DNM1: variants seen among roughly 807,000 people sequenced by gnomAD.
The protein encoded by DNM1 is dynamin 1.
DNM1 carries 29 observed loss-of-function variants against 104.6 expected under a neutral mutation model. That is an observed-to-expected ratio of 0.28 (90% CI 0.21 to 0.38). The LOEUF is 0.38. Ranked by LOEUF, DNM1 falls within the 10% of genes least tolerant of loss-of-function variation. The pLI, the probability that DNM1 is intolerant of heterozygous loss-of-function variation, is 1.00. For missense variants in DNM1, 640 were observed against 1,189.4 expected, an observed-to-expected ratio of 0.54 and a Z score of 6.79; for synonymous variants, 445 against 475.8, an observed-to-expected ratio of 0.94 and a Z score of 0.84.
chr9:128,233,813 A>G lies in DNM1; in HGVS notation c.1336-208A>G, dbSNP rs558659070. ...CCGGAACCAGGAAGACCCTTGAATC[A>G]CCATTTGGAACCCACACTTGGGGGA... On this transcript the variant is annotated intron_variant, in intron 10 of 21. Transcript: ENST00000372923. The G allele has an allele frequency of 1.5e-5, 9 of 584,330 alleles. No individual in the cohort carries two copies. In the East Asian group the frequency reaches 2.4e-4, roughly 16 times the overall value. The allele number at this position is 584,330 out of a possible 1,614,324, so 36.2% of individuals were successfully genotyped here.
At position 128,248,459 on chromosome 9, in the gene DNM1, A is replaced by G. The variant is rs1056590097; in HGVS notation, c.1906-124A>G. ...GGGATGCGGAGCCAGGTATGTATTC[A>G]GGCCAGTCGCTTCTCTCTGTGCCTC... On this transcript the variant is annotated intron_variant, in intron 18 of 21. Transcript: ENST00000372923. The surrounding 1 kb of genome is among the most constrained non-coding windows in gnomAD (Gnocchi z 5.6). 14 of 1,117,644 alleles carry G rather than the reference A, an allele frequency of 1.3e-5. No individual in the cohort carries two copies. Among genetic ancestry groups the G allele is most frequent in the Non-Finnish European group, 1.8e-5 (14 of 789,298 alleles). 69.2% of individuals were successfully genotyped at this position (1,117,644 alleles called of 1,614,324 possible).
Position 128,218,159 on chromosome 9 carries a change from C to G in DNM1, c.162-72C>G, listed in dbSNP as rs1021582349. 6.8e-7 allele frequency: 1 copy of G among 1,460,136 alleles called. No individual in the cohort carries two copies. The highest frequency in any genetic ancestry group is 9.6e-7 in the Non-Finnish European group (1 of 1,039,988). 90.4% of individuals were successfully genotyped at this position (1,460,136 alleles called of 1,614,324 possible). ...AAGGAGCTTTGGCTTTCCCAGGGGC[C>G]GGACAGGTACCCCTGGGACAGAGGG... On this transcript the variant is annotated intron_variant, in intron 1 of 21. Transcript: ENST00000372923. The surrounding 1 kb of genome is among the most constrained non-coding windows in gnomAD (Gnocchi z 4.8).
At chr9:128,233,859 T>G (rs1389886258) in intron 10 of DNM1, 162 bp from the exon 11 acceptor site, 4 of 634,826 alleles carry the variant, frequency 6.3e-6, no homozygotes, top group Non-Finnish European at 1.1e-5. Flanking sequence ...CGTGGCTTGG[T>G]GCCATCAGCG....
chr9:128,254,362 G>A lies in DNM1; in HGVS notation c.2535-292G>A, dbSNP rs866620865. 2.9e-5 allele frequency: 41 copies of A among 1,406,476 alleles called. No individual in the cohort carries two copies. In the South Asian group the frequency reaches 3.4e-4, roughly 12 times the overall value. The allele number at this position is 1,406,476 out of a possible 1,614,324, so 87.1% of individuals were successfully genotyped here. On this transcript the variant is annotated intron_variant, in intron 21 of 21. Coordinates refer to ENST00000372923, the MANE Select transcript of DNM1 (RefSeq NM_004408.4). The surrounding 1 kb of genome is among the most constrained non-coding windows in gnomAD (Gnocchi z 6.1). ...GGGGCCGAGCATCAGCCTGAATTGC[G>A]GGTGCCCTGCCTGGGTGCCGTGTGA... is the stretch of plus-strand genomic sequence containing the variant.
chr9:128,254,364 G>T lies in DNM1; in HGVS notation c.2535-290G>T. ...GGCCGAGCATCAGCCTGAATTGCGG[G>T]TGCCCTGCCTGGGTGCCGTGTGAGA... On this transcript the variant is annotated intron_variant, in intron 21 of 21. Coordinates refer to ENST00000372923, the MANE Select transcript of DNM1 (RefSeq NM_004408.4). This position sits in a 1 kb window ranked among gnomAD's most constrained non-coding sequence, Gnocchi z 6.1. 1.4e-6 allele frequency: 2 copies of T among 1,408,086 alleles called. No homozygotes were observed. The highest frequency in any genetic ancestry group is 1.8e-6 in the Non-Finnish European group (2 of 1,089,744). The allele number at this position is 1,408,086 out of a possible 1,614,324, so 87.2% of individuals were successfully genotyped here.
chr9:128,220,292 A>C lies in DNM1; in HGVS notation c.800A>C (p.His267Pro). ...TTCCTCTCCCATCCATCTTATCGCC[A>C]CTTGGCTGACCGTATGGGCACGCCC... ...KFFLSHPSYRHLADRMGTPYL... is the reference protein window; with the variant it reads ...KFFLSHPSYRPLADRMGTPYL... The change falls in exon 6 of 22, where the codon CAC becomes CCC. Residue 267 changes from histidine (H) to proline (P), a missense_variant. Transcript: ENST00000372923. This position sits in a 1 kb window ranked among gnomAD's most constrained non-coding sequence, Gnocchi z 5.2. 1 of 1,614,198 alleles carries C rather than the reference A, an allele frequency of 6.2e-7. No homozygotes were observed. Among genetic ancestry groups the C allele is most frequent in the Non-Finnish European group, 8.5e-7 (1 of 1,180,038 alleles).
In DNM1 at chr9:128,220,302, C is replaced by T. The variant is rs776559180; in HGVS notation, c.810C>T (p.Asp270=). 1.2e-6 allele frequency: 2 copies of T among 1,614,202 alleles called. No homozygotes were observed. The highest frequency in any genetic ancestry group is 1.3e-5 in the African/African-American group (1 of 75,064). ...ATCCATCTTATCGCCACTTGGCTGA[C>T]CGTATGGGCACGCCCTACCTGCAGA... The part of the protein sequence containing the change: ...LSHPSYRHLA[D]RMGTPYLQKV... Residue 270 remains aspartate, a synonymous_variant, in exon 6 of 22, where the codon GAC becomes GAT. Coordinates refer to ENST00000372923, the MANE Select transcript of DNM1 (RefSeq NM_004408.4). This position sits in a 1 kb window ranked among gnomAD's most constrained non-coding sequence, Gnocchi z 5.2.
chr9:128,217,393 C>G (rs1256624052), intron 1 of DNM1, among the ~76,000 whole-genome samples: 1 of 152,146 alleles, frequency 6.6e-6, no homozygotes, highest in Non-Finnish European at 1.5e-5. Flanking sequence ...GCAGTAGGCA[C>G]TAAGAAGCAT....
chr9:128,254,066 C>G lies in DNM1; in HGVS notation c.2535-588C>G. 1 of 1,245,550 alleles carries G rather than the reference C, an allele frequency of 8.0e-7. No homozygotes were observed. The highest frequency in any genetic ancestry group is 3.1e-5 in the East Asian group (1 of 31,774). The allele number at this position is 1,245,550 out of a possible 1,614,324, so 77.2% of individuals were successfully genotyped here. A position where few individuals can be genotyped will look rare whatever the true frequency, so the allele number is the denominator to read the frequency against. ...CCCCCCGACCAGCTGAGGCTCCCCT[C>G]TTAGACTTATAAGTCTATGGCCACT... On this transcript the variant is annotated intron_variant, in intron 21 of 21. Coordinates refer to ENST00000372923, the MANE Select transcript of DNM1 (RefSeq NM_004408.4). The surrounding 1 kb of genome is among the most constrained non-coding windows in gnomAD (Gnocchi z 6.1).
chr9:128,220,199 A>G lies in DNM1; in HGVS notation c.707A>G (p.Asn236Ser). 1 of 1,614,092 alleles carries G rather than the reference A, an allele frequency of 6.2e-7. No homozygotes were observed. The highest frequency in any genetic ancestry group is 8.5e-7 in the Non-Finnish European group (1 of 1,180,004). ...TTCACAGGCTACATTGGAGTGGTGA[A>G]CCGGAGCCAGAAGGACATTGATGGC... The part of the protein sequence containing the change: ...PLRRGYIGVV[N>S]RSQKDIDGKK... Residue 236 changes from asparagine to serine, a missense_variant, in exon 6 of 22, where the codon AAC (asparagine) becomes AGC (serine). Coordinates refer to ENST00000372923, the MANE Select transcript of DNM1 (RefSeq NM_004408.4). The surrounding 1 kb of genome is among the most constrained non-coding windows in gnomAD (Gnocchi z 5.2).
At position 128,224,316 on chromosome 9, in the gene DNM1, G is replaced by A. The variant is rs769689269; in HGVS notation, c.1262G>A (p.Arg421Gln). 6.2e-6 allele frequency: 10 copies of A among 1,613,984 alleles called. No individual in the cohort carries two copies. The highest frequency in any genetic ancestry group is 4.0e-5 in the African/African-American group (3 of 74,920). The change falls in exon 10 of 22, where the codon CGA (arginine) becomes CAA (glutamine). Residue 421 changes from arginine (R) to glutamine (Q), a missense_variant. Transcript: ENST00000372923. This position sits in a 1 kb window ranked among gnomAD's most constrained non-coding sequence, Gnocchi z 4.3. ...TIVKKQVKKI[R>Q]EPCLKCVDMV... Reference sequence around the variant, plus strand: ...GTGAAAAAGCAGGTGAAGAAGATCCGAGAACCGTGTCTCAAGTGTGTGGAC... The same window carrying A: ...GTGAAAAAGCAGGTGAAGAAGATCCAAGAACCGTGTCTCAAGTGTGTGGAC...
rs922902011 is a variant in DNM1 at position 128,245,146 on chromosome 9, A to T, written c.1672-1248A>T. 1 of 188,484 alleles carries T rather than the reference A, an allele frequency of 5.3e-6. No homozygotes were observed. The allele number at this position is 188,484 out of a possible 1,614,324, so 11.7% of individuals were successfully genotyped here. On this transcript the variant is annotated intron_variant, in intron 15 of 21. Transcript: ENST00000372923. The surrounding 1 kb of genome is among the most constrained non-coding windows in gnomAD (Gnocchi z 5.2). ...GGCGGGGCCTCTCTCGAACGGTTCC[A>T]GATGTTCCCTGGCCGTGTGTGCAAC...
intron 1 of DNM1, among the ~76,000 whole-genome samples, chr9:128,208,041 T>C (rs1035805971): frequency 2.8e-5 from 4 of 140,774 alleles, no homozygotes; most frequent in Non-Finnish European, 3.1e-5. Flanking sequence ...TGTCCCTTCC[T>C]CCCCATTCTT....
In DNM1 at chr9:128,254,278, G is replaced by T. The variant is rs944718153; in HGVS notation, c.2535-376G>T. 2.2e-5 allele frequency: 30 copies of T among 1,386,338 alleles called. No homozygotes were observed. Among genetic ancestry groups the T allele is most frequent in the Non-Finnish European group, 2.7e-5 (29 of 1,080,216 alleles). 85.9% of individuals were successfully genotyped at this position (1,386,338 alleles called of 1,614,324 possible). A position where few individuals can be genotyped will look rare whatever the true frequency, so the allele number is the denominator to read the frequency against. On this transcript the variant is annotated intron_variant, in intron 21 of 21. Transcript: ENST00000372923. This position sits in a 1 kb window ranked among gnomAD's most constrained non-coding sequence, Gnocchi z 6.1. Reference sequence around the variant, plus strand: ...GTTGCATGGGGCTCCCCAAGGCAAGGGGTGGCCCCAGGCCAGTGGGTTGGA... The same window carrying T: ...GTTGCATGGGGCTCCCCAAGGCAAGTGGTGGCCCCAGGCCAGTGGGTTGGA...
chr9:128,248,665 G>A lies in DNM1; in HGVS notation c.1988G>A (p.Arg663Gln). ...CTGGAACGGCAAGTGGAGACCATCCGGAATCTTGTGGACTCATACATGGCC... is the reference window on the plus strand; with the variant it reads ...CTGGAACGGCAAGTGGAGACCATCCAGAATCTTGTGGACTCATACATGGCC... Reference protein sequence around the residue: ...PQLERQVETIRNLVDSYMAIV... With the variant: ...PQLERQVETIQNLVDSYMAIV... Residue 663 changes from arginine to glutamine, a missense_variant, in exon 19 of 22, where the codon CGG becomes CAG. Arg to Gln is a conservative substitution (Grantham distance 43). This residue lies in a region of DNM1 where 91 missense variants were observed against 256.3 expected (regional missense o/e 0.36). Coordinates refer to ENST00000372923, the MANE Select transcript of DNM1 (RefSeq NM_004408.4). This position sits in a 1 kb window ranked among gnomAD's most constrained non-coding sequence, Gnocchi z 5.6. 5 of 1,613,992 alleles carry A rather than the reference G, an allele frequency of 3.1e-6. No individual in the cohort carries two copies. Among genetic ancestry groups the A allele is most frequent in the South Asian group, 1.1e-5 (1 of 91,078 alleles).
intron 10 of DNM1, among the ~76,000 whole-genome samples, chr9:128,229,819 A>G (rs1835565528): frequency 6.6e-6 from 1 of 152,006 alleles, no homozygotes; most frequent in Non-Finnish European, 1.5e-5. Context: ...AGGCTGAGGC[A>G]GGAGAATCAC....
intron 10 of DNM1, among the ~76,000 whole-genome samples, chr9:128,227,009 C>CTTTTTTTTTTTTTT: frequency 9.8e-6 from 1 of 101,770 alleles, no homozygotes; most frequent in Non-Finnish European, 1.9e-5. Flanking sequence ...ATCTCCATTC[C>CTTTTTTTTTTTTTT]TTTTTTTTTT....
In DNM1 at chr9:128,223,913, G is replaced by A. The variant is rs1356370521; in HGVS notation, c.1197-338G>A. The A allele has an allele frequency of 1.7e-5, 3 of 171,478 alleles. No homozygotes were observed. In the Admixed American group the frequency reaches 1.9e-4, roughly 11 times the overall value. 10.6% of individuals were successfully genotyped at this position (171,478 alleles called of 1,614,324 possible). On this transcript the variant is annotated intron_variant, in intron 9 of 21. Coordinates refer to ENST00000372923, the MANE Select transcript of DNM1 (RefSeq NM_004408.4). ...AATACGAAAAAATTAGCCGGGCGTG[G>A]TGGCAGGCGCCTGTAGTCCCAGCTA...
In DNM1 at chr9:128,253,164, C is replaced by A; in HGVS notation, c.2535-1490C>A. 2 of 1,599,420 alleles carry A rather than the reference C, an allele frequency of 1.3e-6. No individual in the cohort carries two copies. The highest frequency in any genetic ancestry group is 1.7e-6 in the Non-Finnish European group (2 of 1,178,602). ...TAGGTACATGCCTCACCGCCTGCTG[C>A]ATGAACGGTGTGTCTGCCCCGCTGC... On this transcript the variant is annotated intron_variant, in intron 21 of 21. Transcript: ENST00000372923. This position sits in a 1 kb window ranked among gnomAD's most constrained non-coding sequence, Gnocchi z 5.9.
Sources: gnomAD v4.1 joint callset for allele counts (sites outside exome capture counted in the v4.1 genomes callset) on GRCh38, gnomAD v4.1.1 for gene constraint, gnomAD v4.1.1 regional missense constraint, Gnocchi (gnomAD v3.1) non-coding constraint, MANE v1.5 for transcripts, NCBI Gene and HGNC (gene_info 2026-07-23, HGNC 2026-07-21) for gene names.